ANKRD12: variants seen among roughly 807,000 people sequenced by gnomAD.
The protein encoded by ANKRD12 is ankyrin repeat domain-containing protein 12.
ANKRD12 carries 85 observed loss-of-function variants against 183.4 expected under a neutral mutation model. That is an observed-to-expected ratio of 0.46 (90% confidence interval 0.39 to 0.56). The LOEUF is 0.56. Among genes scored for constraint, ANKRD12 ranks in the 20% least tolerant of loss-of-function variants. The probability of loss-of-function intolerance (pLI) is 0.00; values close to 1 mark genes in which losing one functional copy is unlikely to be tolerated. For missense variants in ANKRD12, 2,405 were observed against 2,357.1 expected (o/e 1.02, Z -0.42); for synonymous variants, 914 against 800.2 (o/e 1.14, Z -2.40).
chr18:9,156,342 G>A (rs866331034), intron 1 of ANKRD12, among the ~76,000 whole-genome samples: 7 of 151,822 alleles, frequency 4.6e-5, no homozygotes, highest in South Asian at 2.1e-4. Flanking sequence ...AAAGAAAAAC[G>A]GTGAGGAGGG....
chr18:9,162,279 T>C (rs567258309), intron 1 of ANKRD12, among the ~76,000 whole-genome samples: 12 of 150,650 alleles, frequency 8.0e-5, no homozygotes, highest in East Asian at 5.9e-4. Flanking sequence ...CTCACACTTA[T>C]AAGTGAGAAC....
chr18:9,233,543 C>A (rs1316176866), intron 8 of ANKRD12, among the ~76,000 whole-genome samples: 1 of 152,086 alleles, frequency 6.6e-6, no homozygotes, highest in African/African-American at 2.4e-5. Context: ...GTTACTTCTT[C>A]CAGCTTTTTG....
chr18:9,147,751 A>G (rs1484771850), intron 1 of ANKRD12, among the ~76,000 whole-genome samples: 2 of 152,328 alleles, frequency 1.3e-5, no homozygotes, highest in African/African-American at 4.8e-5. Flanking sequence ...CAAAACTAAT[A>G]AAGTATAGAT....
At chr18:9,233,340 T>A (rs1436662823) in intron 8 of ANKRD12, among the ~76,000 whole-genome samples, 1 of 152,158 alleles carries the variant, frequency 6.6e-6, no homozygotes, top group East Asian at 1.9e-4. Context: ...GATTTCTTTG[T>A]ATTGTCTTTG....
At chr18:9,235,281 TC>T (rs2037280481) in intron 8 of ANKRD12, among the ~76,000 whole-genome samples, 2 of 152,086 alleles carry the variant, frequency 1.3e-5, no homozygotes, top group Admixed American at 1.3e-4. Context: ...GGTGGGAAGA[TC>T]CCTTGAGGCC....
At chr18:9,197,661 A>C (rs113596557) in intron 3 of ANKRD12, among the ~76,000 whole-genome samples, 7 of 152,378 alleles carry the variant, frequency 4.6e-5, no homozygotes, top group African/African-American at 1.7e-4. Context: ...GCTAGAGAAA[A>C]AAATGTTACT....
Position 9,208,684 on chromosome 18 carries a change from CA to C in ANKRD12, c.338del (p.Lys113ArgfsTer31). The C allele has an allele frequency of 6.2e-7, 1 of 1,609,138 alleles. No individual in the cohort carries two copies. The highest frequency in any genetic ancestry group is 8.5e-7 in the Non-Finnish European group (1 of 1,178,092). The stretch of plus-strand genomic sequence containing the variant: ...AAAGAAGGTCCAGAAAAGAAGAAGA[CA>C]AAAAAGGAAGCTGGAAATAAGAAAT... ...SEKEGPEKKKTKKEAGNKKST... is the reference protein window; with the variant it reads ...SEKEGPEKKKXKKEAGNKKST... On this transcript the variant is annotated frameshift_variant, in exon 5 of 13. Transcript: ENST00000262126. LOFTEE classifies it high-confidence loss of function.
chr18:9,232,443 T>C (rs2037104992), intron 8 of ANKRD12, among the ~76,000 whole-genome samples: 2 of 152,232 alleles, frequency 1.3e-5, no homozygotes, highest in Admixed American at 1.3e-4. Flanking sequence ...TTTCCTATTA[T>C]ATCCTGGCCT....
At chr18:9,183,870 C>CT (rs529066110) in intron 2 of ANKRD12, among the ~76,000 whole-genome samples, 121 of 152,032 alleles carry the variant, frequency 8.0e-4, no homozygotes, top group Middle Eastern at 3.4e-3. Flanking sequence ...TATTTCATGT[C>CT]TTTTTTGTTA....
intron 5 of ANKRD12, among the ~76,000 whole-genome samples, chr18:9,209,629 G>A (rs2035673721): frequency 6.6e-6 from 1 of 151,946 alleles, no homozygotes; most frequent in Non-Finnish European, 1.5e-5. Context: ...AATGTTTTAG[G>A]GCTTCCTGCT....
chr18:9,252,121 C>T (rs956386492), intron 8 of ANKRD12, among the ~76,000 whole-genome samples: 21 of 152,234 alleles, frequency 1.4e-4, no homozygotes, highest in African/African-American at 5.1e-4. Flanking sequence ...GTGATTTTCT[C>T]ACCATAGCAG....
chr18:9,138,986 A>G (rs942154930), intron 1 of ANKRD12, among the ~76,000 whole-genome samples: 3 of 152,136 alleles, frequency 2.0e-5, no homozygotes, highest in African/African-American at 7.3e-5. Context: ...AAGTGTACTT[A>G]TGTAGGATAC....
intron 1 of ANKRD12, among the ~76,000 whole-genome samples, chr18:9,165,383 T>G (rs1164146934): frequency 2.0e-5 from 3 of 152,144 alleles, no homozygotes; most frequent in Admixed American, 6.6e-5. Context: ...ACTTTAGCTG[T>G]GTTTGAGTGT....
chr18:9,159,267 A>G (rs192280343), intron 1 of ANKRD12, among the ~76,000 whole-genome samples: 1 of 152,248 alleles, frequency 6.6e-6, no homozygotes, highest in East Asian at 1.9e-4. Context: ...CTATAATTCT[A>G]TATGTAAGTT....
intron 1 of ANKRD12, among the ~76,000 whole-genome samples, chr18:9,161,353 G>GTTTTT (rs1186027072): frequency 2.0e-5 from 3 of 151,250 alleles, no homozygotes; most frequent in African/African-American, 7.3e-5. Flanking sequence ...CTCTATTTCT[G>GTTTTT]TTTTTATTTT....
At chr18:9,220,834 A>G (rs980047643) in intron 7 of ANKRD12, among the ~76,000 whole-genome samples, 1 of 152,194 alleles carries the variant, frequency 6.6e-6, no homozygotes, top group African/African-American at 2.4e-5. Context: ...ATGAGAGAGT[A>G]TATCAAGGAC....
chr18:9,238,089 C>G (rs2037451327), intron 8 of ANKRD12, among the ~76,000 whole-genome samples: 1 of 152,200 alleles, frequency 6.6e-6, no homozygotes, highest in African/African-American at 2.4e-5. Flanking sequence ...GAATTTGACA[C>G]TGTTGACCAT....
intron 6 of ANKRD12, among the ~76,000 whole-genome samples, chr18:9,216,556 G>A (rs1432763968): frequency 6.6e-6 from 1 of 152,080 alleles, no homozygotes; most frequent in African/African-American, 2.4e-5. Context: ...CTTGTTCAAG[G>A]GTCAACTGTA....
intron 7 of ANKRD12, among the ~76,000 whole-genome samples, chr18:9,218,312 C>T (rs1289767681): frequency 6.6e-6 from 1 of 152,188 alleles, no homozygotes; most frequent in Non-Finnish European, 1.5e-5. Context: ...TTTCCTCCTA[C>T]CAACATGCCT....
Sources: gnomAD v4.1 joint callset for allele counts (sites outside exome capture counted in the v4.1 genomes callset) on GRCh38, gnomAD v4.1.1 for gene constraint, MANE v1.5 for transcripts, NCBI Gene and HGNC (gene_info 2026-07-23, HGNC 2026-07-21) for gene names.